The following CABLES2 variants were observed in gnomAD, a reference collection of about 807,000 sequenced individuals.
CABLES2 encodes the protein Cdk5 and Abl enzyme substrate 2, also known as CDK5 and ABL1 enzyme substrate 2.
A neutral mutation model predicts 44.8 loss-of-function variants in CABLES2; 35 were observed. The ratio of observed to expected loss-of-function variants is 0.78; its 90% CI spans 0.60 to 1.04. The LOEUF is 1.04. Among genes scored for constraint, CABLES2 ranks in the 50% least tolerant of loss-of-function variants. The probability of loss-of-function intolerance (pLI) is 0.00; values close to 1 mark genes in which losing one functional copy is unlikely to be tolerated. For synonymous variants in CABLES2, 282 were observed against 281.1 expected (o/e 1.00, Z -0.03); for missense variants, 566 against 615.7 (o/e 0.92, Z 0.85).
In CABLES2 at chr20:62,390,439, A is replaced by G. The variant is rs1987892863; in HGVS notation, c.*532T>C. On this transcript the variant is annotated 3_prime_UTR_variant, in exon 10 of 10. Transcript: ENST00000279101. Reference sequence around the variant, plus strand: ...GCTCGGCTTCAGGTGGCAGGGAGCCAGCGGCACAGTTGGTGTCGGGAGATG... The same window carrying G: ...GCTCGGCTTCAGGTGGCAGGGAGCCGGCGGCACAGTTGGTGTCGGGAGATG... The G allele has an allele frequency of 1.3e-5, 2 of 155,008 alleles. No individual in the cohort carries two copies. The highest frequency in any genetic ancestry group is 2.9e-5 in the Non-Finnish European group (2 of 69,652). The allele number at this position is 155,008 out of a possible 1,614,324, so 9.6% of individuals were successfully genotyped here.
Position 62,397,580 on chromosome 20 carries a change from C to T in CABLES2, c.363-988G>A, listed in dbSNP as rs372552920. On this transcript the variant is annotated intron_variant, in intron 1 of 9. Coordinates refer to ENST00000279101, the MANE Select transcript of CABLES2 (RefSeq NM_031215.3). Reference sequence around the variant, plus strand: ...AGGCCATCCTGATGCGGAGACATGACGTGGTTCAGTAACTCTCAGGGTCAC... The same window carrying T: ...AGGCCATCCTGATGCGGAGACATGATGTGGTTCAGTAACTCTCAGGGTCAC... 4.6e-4 allele frequency among the ~76,000 whole-genome samples: 70 copies of T among 152,306 alleles called. 1 individual carries two copies. In the South Asian group the frequency reaches 0.011, roughly 24 times the overall value.
At position 62,396,621 on chromosome 20, in the gene CABLES2, A is replaced by G; in HGVS notation, c.363-29T>C. Reference sequence around the variant, plus strand: ...CAAGATGACAATGGAGCCTCAAAACAGGCCACCAGCCCGGGTGCCGCCTTT... The same window carrying G: ...CAAGATGACAATGGAGCCTCAAAACGGGCCACCAGCCCGGGTGCCGCCTTT... On this transcript the variant is annotated intron_variant, in intron 1 of 9. Coordinates refer to ENST00000279101, the MANE Select transcript of CABLES2 (RefSeq NM_031215.3). This position sits in a 1 kb window ranked among gnomAD's most constrained non-coding sequence, Gnocchi z 5.7. The G allele has an allele frequency of 6.3e-7, 1 of 1,594,426 alleles. No individual in the cohort carries two copies. Among genetic ancestry groups the G allele is most frequent in the Non-Finnish European group, 8.5e-7 (1 of 1,170,792 alleles).
Position 62,396,217 on chromosome 20 carries a change from T to TTTGGC in CABLES2, c.527+97_527+98insGCCAA. On this transcript the variant is annotated intron_variant, in intron 3 of 9. Coordinates refer to ENST00000279101, the MANE Select transcript of CABLES2 (RefSeq NM_031215.3). The surrounding 1 kb of genome is among the most constrained non-coding windows in gnomAD (Gnocchi z 5.7). ...TGTGGAGTGTGGGGTGGGCGGGAGC[T>TTTGGC]TTGGGAGTGGAGGGAAGATTGCTTG... 9.9e-7 allele frequency: 1 copy of TTTGGC among 1,014,014 alleles called. No individual in the cohort carries two copies. Among genetic ancestry groups the TTTGGC allele is most frequent in the Non-Finnish European group, 1.6e-6 (1 of 645,098 alleles). 62.8% of individuals were successfully genotyped at this position (1,014,014 alleles called of 1,614,324 possible).
chr20:62,392,877 G>A (rs763246611), intron 7 of CABLES2, 43 bp downstream of exon 7: 34 of 1,554,814 alleles, frequency 2.2e-5, no homozygotes, highest in East Asian at 9.0e-5. Context: ...GCCAGGACAG[G>A]TGTGCAGCTG....
rs114616304 is a variant in CABLES2 at position 62,398,487 on chromosome 20, T to G, written c.363-1895A>C. On this transcript the variant is annotated intron_variant, in intron 1 of 9. Transcript: ENST00000279101. ...TGTCAACAGTAGCCTTTTTATTAAG[T>G]GTCACCCAATCTGGACTCCGGGCCA... 3.1e-3 allele frequency among the ~76,000 whole-genome samples: 466 copies of G among 152,270 alleles called. 2 individuals are homozygous for G. Among genetic ancestry groups the G allele is most frequent in the African/African-American group, 0.011 (444 of 41,534 alleles).
chr20:62,398,883 T>TC (rs1489752371), intron 1 of CABLES2, among the ~76,000 whole-genome samples: 20 of 152,372 alleles, frequency 1.3e-4, no homozygotes, highest in African/African-American at 4.8e-4. Context: ...CTTGCCCAGG[T>TC]CACACAGCCA....
In CABLES2 at chr20:62,396,669, C is replaced by T; in HGVS notation, c.363-77G>A. 2.1e-6 allele frequency: 3 copies of T among 1,458,930 alleles called. No individual in the cohort carries two copies. The highest frequency in any genetic ancestry group is 2.0e-5 in the Admixed American group (1 of 51,106). 90.4% of individuals were successfully genotyped at this position (1,458,930 alleles called of 1,614,324 possible). On this transcript the variant is annotated intron_variant, in intron 1 of 9. Coordinates refer to ENST00000279101, the MANE Select transcript of CABLES2 (RefSeq NM_031215.3). This position sits in a 1 kb window ranked among gnomAD's most constrained non-coding sequence, Gnocchi z 5.7. ...TTTGTGGCCAGAAACCGAGTGCCGC[C>T]CGCTGTGCAGGGAAGGGCCACTCTC...
chr20:62,391,203 C>G lies in CABLES2; in HGVS notation c.1296+46G>C. The stretch of plus-strand genomic sequence containing the variant: ...CCCCATCCCAGCAGTGGCCCTGGCT[C>G]GATGTCATGACCCTGCCTGCAGTGC... On this transcript the variant is annotated intron_variant, in intron 9 of 9. Transcript: ENST00000279101. This position sits in a 1 kb window ranked among gnomAD's most constrained non-coding sequence, Gnocchi z 5.7. 6.2e-7 allele frequency: 1 copy of G among 1,602,758 alleles called. No homozygotes were observed. Among genetic ancestry groups the G allele is most frequent in the South Asian group, 1.1e-5 (1 of 90,818 alleles).
intron 1 of CABLES2, chr20:62,404,545 C>G: frequency 6.6e-6 from 1 of 152,348 alleles, no homozygotes; most frequent in East Asian, 1.9e-4. Context: ...GGCAGCCACC[C>G]TTCCCTCGAT....
At chr20:62,397,856 G>T (rs1167000499) in intron 1 of CABLES2, among the ~76,000 whole-genome samples, 1 of 152,234 alleles carries the variant, frequency 6.6e-6, no homozygotes, top group African/African-American at 2.4e-5. Flanking sequence ...CTGCAGGGCT[G>T]TTGGCCCCCA....
rs928563511 is a variant in CABLES2, at chr20:62,392,318, A to G, written c.1091+71T>C. On this transcript the variant is annotated intron_variant, in intron 8 of 9. Transcript: ENST00000279101. ...AGACTTGTCAAGCTGGAGAGAATCT[A>G]CCAGAAACTGGAGAGGAGAGGCTGG... The G allele has an allele frequency of 2.7e-6, 3 of 1,109,612 alleles. No individual in the cohort carries two copies. The African/African-American group carries it at 4.6e-5, about 17-fold the overall frequency. 68.7% of individuals were successfully genotyped at this position (1,109,612 alleles called of 1,614,324 possible).
chr20:62,395,560 C>T (rs1988003052), intron 3 of CABLES2, among the ~76,000 whole-genome samples: 1 of 152,236 alleles, frequency 6.6e-6, no homozygotes. Flanking sequence ...CAGGCAGAAG[C>T]CACTGTTTCT....
chr20:62,392,265 G>A (rs1208669620), intron 8 of CABLES2, 124 bp downstream of exon 8: 13 of 729,840 alleles, frequency 1.8e-5, no homozygotes, highest in African/African-American at 1.4e-4. Context: ...GTCGGATGGC[G>A]AGAGGGGGTT....
Position 62,391,091 on chromosome 20 carries a change from T to G in CABLES2, c.1317A>C (p.Arg439=). ...ACCCTATCAGGTCGCGCCTGTTGAA[T>G]CGAAACCTTTCTTCTAACTTCTGCA... ...QLIDKLEERF[R]FNRRDLIGFE... Residue 439 remains arginine (R), a synonymous_variant, in exon 10 of 10, where the codon CGA becomes CGC. Transcript: ENST00000279101. The surrounding 1 kb of genome is among the most constrained non-coding windows in gnomAD (Gnocchi z 5.7). 6.2e-7 allele frequency: 1 copy of G among 1,614,068 alleles called. No individual in the cohort carries two copies.
At chr20:62,398,097 GTGGTGGTGA>G (rs1988088428) in intron 1 of CABLES2, among the ~76,000 whole-genome samples, 2 of 139,654 alleles carry the variant, frequency 1.4e-5, no homozygotes, top group African/African-American at 2.7e-5. Flanking sequence ...GACGGTGGTG[GTGGTGGTGA>G]TGGTGGTGGT....
At chr20:62,394,287 G>A (rs371872558) in intron 4 of CABLES2, 22 bp from the exon 5 acceptor site, 368 of 1,599,404 alleles carry the variant, frequency 2.3e-4, no homozygotes, top group Non-Finnish European at 3.0e-4. Context: ...GGAGAGGCAA[G>A]GGGCTGTGGT....
intron 1 of CABLES2, among the ~76,000 whole-genome samples, chr20:62,406,613 G>T (rs1202898676): frequency 6.6e-6 from 1 of 152,104 alleles, no homozygotes; most frequent in Non-Finnish European, 1.5e-5. Flanking sequence ...AAGGTCCCAG[G>T]TGAACCCAAC....
Position 62,392,394 on chromosome 20 carries a change from G to C in CABLES2, c.1086C>G (p.Ile362Met). Residue 362 changes from isoleucine to methionine, a missense_variant, in exon 8 of 10, where the codon ATC becomes ATG. Physicochemically the swap from Ile to Met is conservative, Grantham distance 10. Transcript: ENST00000279101. ...FPHVKLTLSK[I>M]RSLKREMRSL... ...GTCTGAGAGGGTGTCCTCACCTCCT[G>C]ATTTTGCTCAGCGTCAGTTTGACAT... 1.2e-6 allele frequency: 2 copies of C among 1,613,026 alleles called. No homozygotes were observed. Among genetic ancestry groups the C allele is most frequent in the South Asian group, 2.2e-5 (2 of 91,052 alleles).
rs1276899188 is a variant in CABLES2, at chr20:62,388,895, A to G, written c.*2076T>C. The G allele has an allele frequency of 5.0e-6, 1 of 201,430 alleles. No individual in the cohort carries two copies. Among genetic ancestry groups the G allele is most frequent in the Non-Finnish European group, 1.0e-5 (1 of 97,750 alleles). The allele number at this position is 201,430 out of a possible 1,614,324, so 12.5% of individuals were successfully genotyped here. A position where few individuals can be genotyped will look rare whatever the true frequency, so the allele number is the denominator to read the frequency against. Reference sequence around the variant, plus strand: ...TTTAACTACTGGCTTTGTTGCAATAATCCTCGAATACCACACAGTGGCAGC... The same window carrying G: ...TTTAACTACTGGCTTTGTTGCAATAGTCCTCGAATACCACACAGTGGCAGC... On this transcript the variant is annotated 3_prime_UTR_variant, in exon 10 of 10. Transcript: ENST00000279101.
Sources: gnomAD v4.1 joint callset for allele counts (sites outside exome capture counted in the v4.1 genomes callset) on GRCh38, gnomAD v4.1.1 for gene constraint, Gnocchi (gnomAD v3.1) non-coding constraint, MANE v1.5 for transcripts, NCBI Gene and HGNC (gene_info 2026-07-23, HGNC 2026-07-21) for gene names.